The following ZNF573 variants were observed in gnomAD, a reference collection of about 807,000 sequenced individuals.
ZNF573 encodes the protein zinc finger protein 573.
ZNF573 carries 41 observed loss-of-function variants against 57.4 expected under a neutral mutation model. The observed-to-expected ratio is 0.71, with a 90% CI of 0.56 to 0.93. ZNF573 has a LOEUF of 0.93. Ranked by LOEUF, ZNF573 falls within the 40% of genes least tolerant of loss-of-function variation. The pLI is 0.00. For synonymous variants in ZNF573, 249 were observed against 261.0 expected (o/e 0.95, Z 0.44); for missense variants, 730 against 794.8 (o/e 0.92, Z 0.98).
At chr19:37,750,831 CA>C (rs537735677) in intron 4 of ZNF573, among the ~76,000 whole-genome samples, 160 of 98,194 alleles carry the variant, frequency 1.6e-3, no homozygotes, top group Middle Eastern at 5.6e-3. Flanking sequence ...GACCCAGTCT[CA>C]AAAAAAAAAA....
intron 4 of ZNF573, among the ~76,000 whole-genome samples, chr19:37,762,503 T>C (rs2045561883): frequency 6.6e-6 from 1 of 152,132 alleles, no homozygotes; most frequent in African/African-American, 2.4e-5. Flanking sequence ...CCATTCTGCA[T>C]GAGGATGTAC....
chr19:37,750,133 G>C (rs921915464), intron 4 of ZNF573, among the ~76,000 whole-genome samples: 9 of 150,998 alleles, frequency 6.0e-5, no homozygotes, highest in Admixed American at 4.6e-4. Context: ...CCCAGGCTGG[G>C]GTGCAGTGGC....
chr19:37,774,105 T>G (rs1247276618), intron 1 of ZNF573, among the ~76,000 whole-genome samples: 1 of 150,984 alleles, frequency 6.6e-6, no homozygotes, highest in Non-Finnish European at 1.5e-5. Context: ...AGAGAGGACT[T>G]ATCGTTCAAA....
intron 4 of ZNF573, among the ~76,000 whole-genome samples, chr19:37,744,669 C>T (rs953260038): frequency 7.0e-6 from 1 of 143,232 alleles, no homozygotes; most frequent in African/African-American, 2.6e-5. Context: ...AGAGCCTAGG[C>T]GGCCAAAGCT....
At chr19:37,763,689 A>G (rs1182639236) in intron 4 of ZNF573, among the ~76,000 whole-genome samples, 1 of 152,244 alleles carries the variant, frequency 6.6e-6, no homozygotes, top group Non-Finnish European at 1.5e-5. Flanking sequence ...GAGACTGGGC[A>G]TACTAAAAAA....
intron 4 of ZNF573, chr19:37,758,343 G>A (rs541342842): frequency 2.1e-5 from 3 of 146,188 alleles, no homozygotes; most frequent in Non-Finnish European, 4.5e-5. Context: ...GCTCACGCCT[G>A]TAATCCCAGC....
At chr19:37,744,740 CAAAAAAAAAAAAAAAAG>C (rs1266002202) in intron 4 of ZNF573, among the ~76,000 whole-genome samples, 15 of 38,638 alleles carry the variant, frequency 3.9e-4, no homozygotes, top group African/African-American at 1.3e-3. Context: ...GACCCTATCT[CAAAAAAAAAAAAAAAAG>C]AAAAAAAAAA....
intron 1 of ZNF573, among the ~76,000 whole-genome samples, chr19:37,775,012 CTT>C (rs969290182): frequency 3.8e-5 from 5 of 132,144 alleles, no homozygotes; most frequent in Non-Finnish European, 7.8e-5. Flanking sequence ...AACTCTCTCT[CTT>C]TTTTTTTTTT....
At chr19:37,760,739 T>C (rs909580077) in intron 4 of ZNF573, among the ~76,000 whole-genome samples, 2 of 151,844 alleles carry the variant, frequency 1.3e-5, no homozygotes, top group Non-Finnish European at 2.9e-5. Flanking sequence ...GAAGAATCAC[T>C]TGAACCTGGG....
chr19:37,745,452 C>T (rs1454187831), intron 4 of ZNF573, among the ~76,000 whole-genome samples: 1 of 151,968 alleles, frequency 6.6e-6, no homozygotes, highest in African/African-American at 2.4e-5. Flanking sequence ...GGCTGGAGTG[C>T]AGTGACACGA....
At chr19:37,745,429 G>A (rs1302702095) in intron 4 of ZNF573, among the ~76,000 whole-genome samples, 1 of 151,548 alleles carries the variant, frequency 6.6e-6, no homozygotes, top group Non-Finnish European at 1.5e-5. Context: ...ATGGAGTCTG[G>A]CTCTGTTGCC....
Position 37,771,600 on chromosome 19 carries a change from C to T in ZNF573, c.166G>A (p.Val56Met). Reference protein sequence around the residue: ...DPNQRDLYRDVMLENYRNLVS... With the variant: ...DPNQRDLYRDMMLENYRNLVS... ...AGGTTTCTATAGTTCTCCAACATCA[C>T]ATCCCTGTATAAGTCCCTCTGATTA... The change falls in exon 3 of 5, where the codon GTG (valine) becomes ATG (methionine). Residue 56 changes from valine (V) to methionine (M), a missense_variant. Val to Met is a conservative substitution (Grantham distance 21). Transcript: ENST00000536220. 2 of 1,608,314 alleles carry T rather than the reference C, an allele frequency of 1.2e-6. No homozygotes were observed. Among genetic ancestry groups the T allele is most frequent in the Non-Finnish European group, 1.7e-6 (2 of 1,177,582 alleles).
Position 37,771,686 on chromosome 19 carries a change from A to G in ZNF573, c.80T>C (p.Leu27Ser). The G allele has an allele frequency of 7.5e-6, 12 of 1,592,732 alleles. No homozygotes were observed. The highest frequency in any genetic ancestry group is 9.4e-6 in the Non-Finnish European group (11 of 1,174,138). Residue 27 changes from leucine to serine, a missense_variant, in exon 3 of 5, where the codon TTA becomes TCA. Leu to Ser is a moderately radical substitution (Grantham distance 145). Coordinates refer to ENST00000536220, the MANE Select transcript of ZNF573 (RefSeq NM_001172690.2). Reference protein sequence around the residue: ...NSKTMTCFQELVTFRDVAIDF... With the variant: ...NSKTMTCFQESVTFRDVAIDF... ...TATGGCCACATCCCTGAATGTCACTAATTCCTGAAACTGCAAACCCATGCA... is the reference window on the plus strand; with the variant it reads ...TATGGCCACATCCCTGAATGTCACTGATTCCTGAAACTGCAAACCCATGCA...
At chr19:37,751,123 C>T (rs1266424841) in intron 4 of ZNF573, among the ~76,000 whole-genome samples, 1 of 133,264 alleles carries the variant, frequency 7.5e-6, no homozygotes, top group African/African-American at 2.8e-5. Context: ...TGTATATATA[C>T]AGTATAGACA....
intron 4 of ZNF573, among the ~76,000 whole-genome samples, chr19:37,762,623 G>A (rs767527085): frequency 2.0e-4 from 31 of 152,136 alleles, no homozygotes; most frequent in Middle Eastern, 6.8e-3. Flanking sequence ...GTTGCACCTC[G>A]GACTGTGGAC....
At chr19:37,750,085 A>T (rs1346577919) in intron 4 of ZNF573, among the ~76,000 whole-genome samples, 3 of 150,630 alleles carry the variant, frequency 2.0e-5, no homozygotes, top group Non-Finnish European at 4.4e-5. Context: ...ATTTTTTTTT[A>T]ATTTTTTTTT....
At chr19:37,744,245 T>C (rs1489552240) in intron 4 of ZNF573, among the ~76,000 whole-genome samples, 7 of 151,730 alleles carry the variant, frequency 4.6e-5, no homozygotes, top group Non-Finnish European at 1.5e-5. Context: ...ATAAAACAAC[T>C]TGAGAGATTA....
At chr19:37,759,933 T>C (rs553080912) in intron 4 of ZNF573, among the ~76,000 whole-genome samples, 1 of 152,168 alleles carries the variant, frequency 6.6e-6, no homozygotes, top group South Asian at 2.1e-4. Flanking sequence ...TATGTAAAAT[T>C]TGGACAAGAT....
chr19:37,757,738 C>T (rs1335227391), intron 4 of ZNF573, among the ~76,000 whole-genome samples: 1 of 152,094 alleles, frequency 6.6e-6, no homozygotes, highest in Admixed American at 6.6e-5. Flanking sequence ...AAGACACATG[C>T]ACATGTATGT....
Sources: allele counts gnomAD v4.1 joint callset (sites outside exome capture counted in the v4.1 genomes callset), GRCh38; gene constraint gnomAD v4.1.1; transcripts MANE v1.5; gene names NCBI Gene and HGNC (gene_info 2026-07-23, HGNC 2026-07-21).